The following SRRM3 variants were observed in gnomAD, a reference collection of about 807,000 sequenced individuals.
SRRM3 encodes the protein serine/arginine repetitive matrix protein 3.
A neutral mutation model predicts 66.2 loss-of-function variants in SRRM3; 27 were observed. The observed-to-expected ratio is 0.41, with a 90% CI of 0.30 to 0.56. SRRM3 has a LOEUF of 0.56. Among genes scored for constraint, SRRM3 ranks in the 20% least tolerant of loss-of-function variants. SRRM3 has a pLI of 0.32. For missense variants in SRRM3, 918 were observed against 991.9 expected (o/e 0.93, Z 1.00); for synonymous variants, 391 against 414.9 (o/e 0.94, Z 0.70).
intron 10 of SRRM3, among the ~76,000 whole-genome samples, chr7:76,266,521 A>AT (rs1394076533): frequency 9.0e-6 from 1 of 110,708 alleles, no homozygotes; most frequent in Non-Finnish European, 1.7e-5. Flanking sequence ...ATATTTATAT[A>AT]TTATATATTT....
chr7:76,281,710 C>G lies in SRRM3; in HGVS notation c.1278C>G (p.Ala426=). ...PRGSSRSLSR[A]RSSSDSGSGR... is the part of the protein sequence containing the mutation. ...GCTCGTCGCGCTCGCTCAGCAGGGC[C>G]CGCTCCAGCAGCGACTCCGGCAGCG... is the stretch of plus-strand genomic sequence containing the variant. Residue 426 remains alanine, a synonymous_variant, in exon 12 of 15, where the codon GCC becomes GCG. Transcript: ENST00000611745. 54 of 1,196,884 alleles carry G rather than the reference C, an allele frequency of 4.5e-5. No individual in the cohort carries two copies. The highest frequency in any genetic ancestry group is 5.6e-5 in the Non-Finnish European group (54 of 960,380). 74.1% of individuals were successfully genotyped at this position (1,196,884 alleles called of 1,614,324 possible).
intron 1 of SRRM3, among the ~76,000 whole-genome samples, chr7:76,213,453 G>A (rs1167180961): frequency 7.9e-5 from 12 of 152,136 alleles, no homozygotes; most frequent in African/African-American, 2.2e-4. Context: ...ATGGAGGCAC[G>A]GAGAGGTAAA....
At chr7:76,207,250 T>C (rs1800323981) in intron 1 of SRRM3, among the ~76,000 whole-genome samples, 1 of 151,972 alleles carries the variant, frequency 6.6e-6, no homozygotes, top group South Asian at 2.1e-4. Context: ...TCTAGTGAAC[T>C]ATAATTGCAC....
rs781915041 is a variant in SRRM3 at position 76,221,359 on chromosome 7, C to CTTTTT, written c.-39-13652_-39-13648dup. Reference sequence around the variant, plus strand: ...TTTGAGCCACTGGGCCTGCCCTCCTCTTTTTTTTTTTTTTTTTTTTTGAGA... The same window carrying CTTTTT: ...TTTGAGCCACTGGGCCTGCCCTCCTCTTTTTTTTTTTTTTTTTTTTTTTTTTGAGA... On this transcript the variant is annotated intron_variant, in intron 1 of 14. Transcript: ENST00000611745. Among the ~76,000 whole-genome samples the CTTTTT allele has an allele frequency of 9.4e-5, 9 of 95,356 alleles. 2 individuals carry two copies. Among genetic ancestry groups the CTTTTT allele is most frequent in the East Asian group, 7.6e-4 (2 of 2,626 alleles). 62.6% of individuals were successfully genotyped at this position (95,356 alleles called of 152,430 possible).
At chr7:76,274,931 C>A (rs543319236) in intron 11 of SRRM3, among the ~76,000 whole-genome samples, 1 of 152,176 alleles carries the variant, frequency 6.6e-6, no homozygotes, top group South Asian at 2.1e-4. Flanking sequence ...CATGGCAAAA[C>A]CCCATCTCTA....
intron 1 of SRRM3, among the ~76,000 whole-genome samples, chr7:76,227,293 G>T (rs552292374): frequency 6.6e-6 from 1 of 152,200 alleles, no homozygotes; most frequent in Non-Finnish European, 1.5e-5. Flanking sequence ...TAGAGTTAGG[G>T]TTCAGATTAT....
chr7:76,244,518 C>A lies in SRRM3; in HGVS notation c.234-3670C>A, dbSNP rs973440343. 2.3e-3 allele frequency among the ~76,000 whole-genome samples: 182 copies of A among 78,438 alleles called. 2 individuals carry two copies. The highest frequency in any genetic ancestry group is 9.5e-4 in the Non-Finnish European group (36 of 37,934). 51.5% of individuals were successfully genotyped at this position (78,438 alleles called of 152,430 possible). On this transcript the variant is annotated intron_variant, in intron 2 of 14. Transcript: ENST00000611745. ...TAGCCTGGGCGACAGAGCAAGACTC[C>A]ATCTCAAAAAAAAAAAAAAAAAAAA...
chr7:76,228,057 A>G (rs1428149541), intron 1 of SRRM3, among the ~76,000 whole-genome samples: 1 of 151,968 alleles, frequency 6.6e-6, no homozygotes, highest in African/African-American at 2.4e-5. Flanking sequence ...TTTAGTAGAG[A>G]CAGTGTCTGA....
intron 11 of SRRM3, 49 bp downstream of exon 11, chr7:76,267,484 G>A (rs1308145103): frequency 2.3e-6 from 3 of 1,279,400 alleles, no homozygotes; most frequent in Non-Finnish European, 3.0e-6. Flanking sequence ...GGGCTGCGCC[G>A]TGCGTGGTCG....
At chr7:76,238,109 A>G (rs1801193083) in intron 2 of SRRM3, among the ~76,000 whole-genome samples, 1 of 152,130 alleles carries the variant, frequency 6.6e-6, no homozygotes, top group Admixed American at 6.6e-5. Context: ...GCATTTGATC[A>G]TGGCAGGGAC....
intron 8 of SRRM3, among the ~76,000 whole-genome samples, chr7:76,262,533 A>AC (rs1801905665): frequency 6.7e-6 from 1 of 150,316 alleles, no homozygotes; most frequent in African/African-American, 2.5e-5. Context: ...AAAAAAAAAA[A>AC]AACAAAGTCT....
At position 76,237,723 on chromosome 7, in the gene SRRM3, C is replaced by T. The variant is rs868967340; in HGVS notation, c.233+2424C>T. On this transcript the variant is annotated intron_variant, in intron 2 of 14. Transcript: ENST00000611745. ...TTCCCTGCACTTTCCTGCTCCTCCT[C>T]CTCCCAGAACTCCACCTCCTTGATG... Among the ~76,000 whole-genome samples, 71 of 152,234 alleles carry T rather than the reference C, an allele frequency of 4.7e-4. 1 individual carries two copies. The highest frequency in any genetic ancestry group is 1.6e-3 in the African/African-American group (68 of 41,530).
chr7:76,212,744 C>T (rs1221661685), intron 1 of SRRM3, among the ~76,000 whole-genome samples: 4 of 152,164 alleles, frequency 2.6e-5, no homozygotes, highest in African/African-American at 7.2e-5. Context: ...GCAGGGATTA[C>T]AGGCGTGAGC....
intron 2 of SRRM3, among the ~76,000 whole-genome samples, chr7:76,238,236 T>C (rs1801195693): frequency 1.3e-5 from 2 of 152,178 alleles, no homozygotes; most frequent in African/African-American, 4.8e-5. Flanking sequence ...CTGAGAGTCC[T>C]CCGTTGAAGA....
chr7:76,277,738 G>A (rs143699204), intron 11 of SRRM3, among the ~76,000 whole-genome samples: 1 of 20,524 alleles, frequency 4.9e-5, no homozygotes, highest in African/African-American at 4.1e-4. Flanking sequence ...AAAAAAAAGA[G>A]AGAGAGAGAA....
chr7:76,259,790 C>A (rs2117055228), intron 3 of SRRM3, 116 bp from the exon 4 acceptor site: 1 of 1,527,588 alleles, frequency 6.5e-7, no homozygotes, highest in East Asian at 2.3e-5. Context: ...CTCGCCCCTC[C>A]CCCAGCCGGG....
intron 3 of SRRM3, among the ~76,000 whole-genome samples, chr7:76,250,363 C>T (rs1234216133): frequency 6.6e-6 from 1 of 152,020 alleles, no homozygotes; most frequent in Non-Finnish European, 1.5e-5. Flanking sequence ...TCCTGAGTAG[C>T]TGGGATTGCA....
At chr7:76,260,549 C>G (rs1487191038) in intron 5 of SRRM3, among the ~76,000 whole-genome samples, 1 of 150,712 alleles carries the variant, frequency 6.6e-6, no homozygotes, top group Non-Finnish European at 1.5e-5. Flanking sequence ...AGGCCCCACC[C>G]CTCATCGAGC....
intron 11 of SRRM3, among the ~76,000 whole-genome samples, chr7:76,271,991 G>A (rs1247344401): frequency 2.0e-5 from 3 of 152,094 alleles, no homozygotes; most frequent in East Asian, 3.8e-4. Context: ...AATAAATATC[G>A]AGGCACAGAG....
Sources: gnomAD v4.1 joint callset for allele counts (sites outside exome capture counted in the v4.1 genomes callset) on GRCh38, gnomAD v4.1.1 for gene constraint, MANE v1.5 for transcripts, NCBI Gene and HGNC (gene_info 2026-07-23, HGNC 2026-07-21) for gene names.